Variants in ARHGEF10L observed in about 807,000 individuals in gnomAD.
ARHGEF10L encodes the protein Rho guanine nucleotide exchange factor 10 like.
In ARHGEF10L, 69 loss-of-function variants were observed where a neutral mutation model predicts 141.2. That is an observed-to-expected ratio of 0.49 (90% CI 0.40 to 0.60). ARHGEF10L has a LOEUF of 0.60. Among genes scored for constraint, ARHGEF10L ranks in the 20% least tolerant of loss-of-function variants. The pLI, the probability that ARHGEF10L is intolerant of heterozygous loss-of-function variation, is 0.00. For missense variants in ARHGEF10L, 1,482 were observed against 1,734.3 expected, an observed-to-expected ratio of 0.85 and a Z score of 2.58; for synonymous variants, 711 against 718.5, an observed-to-expected ratio of 0.99 and a Z score of 0.17.
At chr1:17,696,296 G>A (rs1419972613) in intron 28 of ARHGEF10L, among the ~76,000 whole-genome samples, 1 of 152,048 alleles carries the variant, frequency 6.6e-6, no homozygotes, top group African/African-American at 2.4e-5. Flanking sequence ...GTCCATCCAG[G>A]GGGCATTTGT....
chr1:17,561,896 C>T (rs920275811), intron 1 of ARHGEF10L, among the ~76,000 whole-genome samples: 13 of 152,206 alleles, frequency 8.5e-5, no homozygotes, highest in South Asian at 2.1e-4. Context: ...GCTGCTCAAT[C>T]GGGAAGGTTC....
intron 27 of ARHGEF10L, chr1:17,691,185 T>C (rs576578842): frequency 1.3e-5 from 6 of 452,090 alleles, no homozygotes; most frequent in South Asian, 9.5e-5. Context: ...TCCAGATAGA[T>C]GGCTTGGGTG....
In ARHGEF10L at chr1:17,680,125, G is replaced by C. The variant is rs1229211393; in HGVS notation, c.3010-7448G>C. The stretch of plus-strand genomic sequence containing the variant: ...TGCCCCTGCCCATCTGGGCCACCCG[G>C]GGTTGGTTCGCTCTCTTTTCATAGA... On this transcript the variant is annotated intron_variant, in intron 26 of 28. Coordinates refer to ENST00000361221, the MANE Select transcript of ARHGEF10L (RefSeq NM_018125.4). Among the ~76,000 whole-genome samples, 6 of 152,188 alleles carry C rather than the reference G, an allele frequency of 3.9e-5. No individual in the cohort carries two copies. The East Asian group carries it at 1.2e-3, about 30-fold the overall frequency.
chr1:17,559,497 C>T (rs2077465840), intron 1 of ARHGEF10L, among the ~76,000 whole-genome samples: 1 of 151,998 alleles, frequency 6.6e-6, no homozygotes, highest in African/African-American at 2.4e-5. Context: ...AGGGGACCGA[C>T]ACCCCCCAGG....
intron 1 of ARHGEF10L, among the ~76,000 whole-genome samples, chr1:17,556,424 A>T (rs961758931): frequency 6.6e-6 from 1 of 152,136 alleles, no homozygotes; most frequent in Admixed American, 6.5e-5. Context: ...TGTGAAATGA[A>T]GGCCTGGGCT....
At chr1:17,566,361 CT>C (rs1032062605) in intron 1 of ARHGEF10L, among the ~76,000 whole-genome samples, 9 of 152,228 alleles carry the variant, frequency 5.9e-5, no homozygotes, top group African/African-American at 1.9e-4. Flanking sequence ...ACAACAGCCC[CT>C]GGTTGAGAAC....
chr1:17,513,633 C>T, the ARHGEF10L span, among the ~76,000 whole-genome samples: 1 of 152,070 alleles, frequency 6.6e-6, no homozygotes, highest in African/African-American at 2.4e-5. Flanking sequence ...CTGCATTAAG[C>T]AATTTCACAA....
At chr1:17,605,901 A>T (rs1158956930) in intron 6 of ARHGEF10L, among the ~76,000 whole-genome samples, 2 of 152,204 alleles carry the variant, frequency 1.3e-5, no homozygotes, top group African/African-American at 4.8e-5. Flanking sequence ...TAAAGACATT[A>T]GTTACTATTA....
At chr1:17,565,038 C>A (rs2077693792) in intron 1 of ARHGEF10L, among the ~76,000 whole-genome samples, 1 of 152,208 alleles carries the variant, frequency 6.6e-6, no homozygotes, top group Non-Finnish European at 1.5e-5. Flanking sequence ...TTACCAGCAA[C>A]AGGCAGTTAT....
intron 7 of ARHGEF10L, among the ~76,000 whole-genome samples, chr1:17,608,536 G>A (rs1024182328): frequency 1.3e-5 from 2 of 152,132 alleles, no homozygotes; most frequent in Non-Finnish European, 2.9e-5. Flanking sequence ...AGCTTTCCTC[G>A]TGTTTCTGCC....
At chr1:17,609,126 C>T (rs1303555343) in intron 7 of ARHGEF10L, among the ~76,000 whole-genome samples, 1 of 152,200 alleles carries the variant, frequency 6.6e-6, no homozygotes, top group Non-Finnish European at 1.5e-5. Flanking sequence ...AGAGCTCCAC[C>T]TGGGGCCATT....
chr1:17,677,863 C>T (rs1396917624), intron 26 of ARHGEF10L, among the ~76,000 whole-genome samples: 2 of 152,208 alleles, frequency 1.3e-5, no homozygotes, highest in Non-Finnish European at 2.9e-5. Context: ...GATAACAAGA[C>T]AATCCCAGGC....
chr1:17,588,880 G>GTGTGTC (rs534512740), intron 4 of ARHGEF10L, among the ~76,000 whole-genome samples: 6,874 of 74,508 alleles, frequency 0.092, 847 homozygotes, highest in East Asian at 0.21. Flanking sequence ...GTGTGTGTGT[G>GTGTGTC]TGTGTGTGTG....
chr1:17,649,795 A>G (rs765540746), intron 22 of ARHGEF10L, among the ~76,000 whole-genome samples: 20 of 152,148 alleles, frequency 1.3e-4, no homozygotes, highest in South Asian at 6.2e-4. Flanking sequence ...TGGCATTTAA[A>G]CTGAGAACTG....
intron 27 of ARHGEF10L, chr1:17,691,342 A>T: frequency 7.3e-6 from 2 of 274,384 alleles, no homozygotes; most frequent in South Asian, 6.4e-5. Context: ...AGGTCTGCAG[A>T]TGAAGCCATT....
At chr1:17,671,146 G>C (rs574907069) in intron 26 of ARHGEF10L, among the ~76,000 whole-genome samples, 1 of 152,394 alleles carries the variant, frequency 6.6e-6, no homozygotes, top group East Asian at 1.9e-4. Flanking sequence ...GCCAGTTAGG[G>C]GTGAGTGTGC....
intron 1 of ARHGEF10L, among the ~76,000 whole-genome samples, chr1:17,574,544 C>T (rs897310698): frequency 6.6e-6 from 1 of 152,198 alleles, no homozygotes; most frequent in African/African-American, 2.4e-5. Flanking sequence ...GACAGGTAAG[C>T]ACAGGAGGCG....
At chr1:17,523,168 G>A in the ARHGEF10L span, among the ~76,000 whole-genome samples, 8 of 141,974 alleles carry the variant, frequency 5.6e-5, no homozygotes, top group East Asian at 1.0e-3. Flanking sequence ...TCACTGCAAC[G>A]TCCACCTCCT....
chr1:17,620,741 C>T (rs2060063229), intron 10 of ARHGEF10L, among the ~76,000 whole-genome samples: 1 of 152,072 alleles, frequency 6.6e-6, no homozygotes, highest in Non-Finnish European at 1.5e-5. Context: ...AGTAGGGGGT[C>T]AGTCACCTCC....
Sources: gnomAD v4.1 joint callset for allele counts (sites outside exome capture counted in the v4.1 genomes callset) on GRCh38, gnomAD v4.1.1 for gene constraint, MANE v1.5 for transcripts, NCBI Gene and HGNC (gene_info 2026-07-23, HGNC 2026-07-21) for gene names.